SPTBN5: variants seen among roughly 807,000 people sequenced by gnomAD.
SPTBN5 encodes the protein spectrin beta, non-erythrocytic 5.
In SPTBN5, 513 loss-of-function variants were observed where a neutral mutation model predicts 477.6. The ratio of observed to expected loss-of-function variants is 1.07; its 90% CI spans 1.00 to 1.16. The LOEUF (loss-of-function observed/expected upper bound fraction) is 1.16. Among genes scored for constraint, SPTBN5 ranks in the 50% most tolerant of loss-of-function variants. SPTBN5 has a pLI of 0.00. For synonymous variants in SPTBN5, 2,169 were observed against 2,011.7 expected, an observed-to-expected ratio of 1.08 and a Z score of -2.09; for missense variants, 5,062 against 4,731.8, an observed-to-expected ratio of 1.07 and a Z score of -2.05.
At chr15:41,851,439 T>G (rs1306485736) in intron 63 of SPTBN5, 70 bp from the exon 64 acceptor site, 1 of 1,133,128 alleles carries the variant, frequency 8.8e-7, no homozygotes, top group African/African-American at 1.6e-5. Flanking sequence ...TGTCCACGCC[T>G]CACCATGTGT....
Position 41,876,551 on chromosome 15 carries a change from GAGCTGGAGGGA to G in SPTBN5, c.3937_3947del (p.Ser1313ProfsTer24), listed in dbSNP as rs1312392915. 1 of 1,593,890 alleles carries G rather than the reference GAGCTGGAGGGA, an allele frequency of 6.3e-7. No homozygotes were observed. Among genetic ancestry groups the G allele is most frequent in the Admixed American group, 1.8e-5 (1 of 57,092 alleles). Reference sequence around the variant, plus strand: ...CGACCTGGGCCCAGACCCTCACCTGGAGCTGGAGGGAAGCCAGCAACTGCCTCCTCCTCTGC... The same window carrying G: ...CGACCTGGGCCCAGACCCTCACCTGGAGCCAGCAACTGCCTCCTCCTCTGC... On this transcript the variant is annotated frameshift_variant, in exon 20 of 68. Coordinates refer to ENST00000320955, the MANE Select transcript of SPTBN5 (RefSeq NM_016642.4). LOFTEE classifies it high-confidence loss of function.
In SPTBN5 at chr15:41,852,000, G is replaced by T. The variant is rs576047057; in HGVS notation, c.10585-150C>A. ...TTAGCTTCTAAGATCAGATGAGATC[G>T]GGCATGTTCAGGGTGGTATGGCTGT... is the stretch of plus-strand genomic sequence containing the variant. On this transcript the variant is annotated intron_variant, in intron 62 of 67. Transcript: ENST00000320955. 7.5e-5 allele frequency: 68 copies of T among 910,276 alleles called. 1 individual carries two copies. In the African/African-American group the frequency reaches 8.1e-4, roughly 11 times the overall value. 56.4% of individuals were successfully genotyped at this position (910,276 alleles called of 1,614,324 possible). A position where few individuals can be genotyped will look rare whatever the true frequency, so the allele number is the denominator to read the frequency against.
rs757947761 is a variant in SPTBN5 at position 41,866,501 on chromosome 15, G to A, written c.6481-8C>T. 19 of 1,550,446 alleles carry A rather than the reference G, an allele frequency of 1.2e-5. No homozygotes were observed. The highest frequency in any genetic ancestry group is 2.0e-5 in the Admixed American group (1 of 50,164). ...CTGGATCCAGTCCTCAGCCTGGTGG[G>A]GGTGGGACATGAATGCTGCAATGTT... On this transcript the variant is annotated splice_region_variant and splice_polypyrimidine_tract_variant and intron_variant, in intron 36 of 67. Coordinates refer to ENST00000320955, the MANE Select transcript of SPTBN5 (RefSeq NM_016642.4).
At chr15:41,879,209 C>T in intron 16 of SPTBN5, 51 bp downstream of exon 16, 1 of 1,568,272 alleles carries the variant, frequency 6.4e-7, no homozygotes, top group Non-Finnish European at 8.7e-7. Flanking sequence ...CCTGCCCACG[C>T]CTTCCCATGG....
chr15:41,891,057 C>T (rs903216223), intron 3 of SPTBN5, among the ~76,000 whole-genome samples: 1 of 152,234 alleles, frequency 6.6e-6, no homozygotes, highest in Non-Finnish European at 1.5e-5. Flanking sequence ...GCCTTTAACT[C>T]TTCACTCAGA....
chr15:41,882,631 A>G lies in SPTBN5; in HGVS notation c.2000T>C (p.Leu667Pro). The G allele has an allele frequency of 6.2e-7, 1 of 1,607,540 alleles. No homozygotes were observed. Among genetic ancestry groups the G allele is most frequent in the Non-Finnish European group, 8.5e-7 (1 of 1,177,842 alleles). Reference protein sequence around the residue: ...ECGQRVGNAALGRDLSQIAGA... With the variant: ...ECGQRVGNAAPGRDLSQIAGA... ...TGCGATCTGGCTGAGATCCCGGCCC[A>G]GGGCCGCATTCCCCACCCGCTGTCC... Residue 667 changes from leucine to proline, a missense_variant, in exon 10 of 68, where the codon CTG becomes CCG. Physicochemically the swap from Leu to Pro is moderately conservative, Grantham distance 98. Transcript: ENST00000320955.
chr15:41,862,718 C>A, intron 42 of SPTBN5, 58 bp from the exon 43 acceptor site: 1 of 1,540,882 alleles, frequency 6.5e-7, no homozygotes, highest in Non-Finnish European at 8.7e-7. Context: ...CACCCAAGCC[C>A]CTCCTCCCCA....
Position 41,887,315 on chromosome 15 carries a change from G to A in SPTBN5, c.786C>T (p.Ala262=), listed in dbSNP as rs867338243. The A allele has an allele frequency of 5.8e-6, 9 of 1,551,186 alleles. No homozygotes were observed. The highest frequency in any genetic ancestry group is 4.9e-5 in the East Asian group (2 of 40,934). The change falls in exon 6 of 68, where the codon GCC becomes GCT. Residue 262 remains alanine, a synonymous_variant. Transcript: ENST00000320955. ...TGATAGAGCGCTCATCTGGCTGTGC[G>A]GCTGCCACGTCCTCGGGGTCCAGCA... ...AQLLDPEDVA[A]AQPDERSIMT... is the part of the protein sequence containing the mutation.
chr15:41,851,448 G>A (rs2065758740), intron 63 of SPTBN5, 79 bp from the exon 64 acceptor site: 1 of 1,046,122 alleles, frequency 9.6e-7, no homozygotes, highest in African/African-American at 1.6e-5. Flanking sequence ...CTCACCATGT[G>A]TGTGGAGCTT....
In SPTBN5 at chr15:41,868,396, A is replaced by C. The variant is rs567896650; in HGVS notation, c.6057+2T>G. The C allele has an allele frequency of 1.3e-6, 2 of 1,597,998 alleles. No homozygotes were observed. The highest frequency in any genetic ancestry group is 1.7e-6 in the Non-Finnish European group (2 of 1,170,898). On this transcript the variant is annotated splice_donor_variant, in intron 33 of 67. Coordinates refer to ENST00000320955, the MANE Select transcript of SPTBN5 (RefSeq NM_016642.4). LOFTEE classifies it high-confidence loss of function. ...GTGGGGGCACCAGGGGAGGGGGCCC[A>C]CCTCCTTGGTGGGTGTCCCTGCAGC...
chr15:41,881,332 G>T, intron 12 of SPTBN5, 98 bp from the exon 13 acceptor site: 1 of 981,704 alleles, frequency 1.0e-6, no homozygotes. Flanking sequence ...ACCTGGAGGC[G>T]CTGAGCTGTA....
chr15:41,875,765 T>A, intron 21 of SPTBN5, 143 bp from the exon 22 acceptor site: 1 of 892,340 alleles, frequency 1.1e-6, no homozygotes, highest in South Asian at 1.8e-5. Context: ...AAGCAGTTCA[T>A]GTGGCCCCAA....
chr15:41,890,263 C>A, intron 3 of SPTBN5, 58 bp from the exon 4 acceptor site: 2 of 1,267,480 alleles, frequency 1.6e-6, no homozygotes, highest in South Asian at 1.3e-5. Context: ...AGGACTCAGT[C>A]ACCAAAAGCT....
rs904303516 is a variant in SPTBN5, at chr15:41,853,434, C to T, written c.9994G>A (p.Glu3332Lys). The T allele has an allele frequency of 1.3e-6, 2 of 1,584,924 alleles. No individual in the cohort carries two copies. The highest frequency in any genetic ancestry group is 1.7e-6 in the Non-Finnish European group (2 of 1,160,766). ...RCQELLAWAQ[E>K]RQELASSEEL... The stretch of plus-strand genomic sequence containing the variant: ...TCGGAGGACGCCAGCTCCTGCCTCT[C>T]CTGTGCCCATGCTCTGTGGGGCAGG... The change falls in exon 59 of 68, where the codon GAG becomes AAG. Residue 3332 changes from glutamate (E) to lysine (K), a missense_variant. Glu to Lys is a moderately conservative substitution (Grantham distance 56, BLOSUM62 1). Transcript: ENST00000320955.
chr15:41,848,369 C>T lies in SPTBN5; in HGVS notation c.*247G>A, dbSNP rs1218700542. ...GTAGCCCTGGCCTTGCCCACCTGCT[C>T]TGCCGTAACACGTCTCCTCTTCACC... On this transcript the variant is annotated 3_prime_UTR_variant, in exon 68 of 68. Transcript: ENST00000320955. The T allele has an allele frequency of 1.7e-6, 1 of 587,734 alleles. No homozygotes were observed. Among genetic ancestry groups the T allele is most frequent in the South Asian group, 2.0e-5 (1 of 50,564 alleles). 36.4% of individuals were successfully genotyped at this position (587,734 alleles called of 1,614,324 possible). A position where few individuals can be genotyped will look rare whatever the true frequency, so the allele number is the denominator to read the frequency against.
At position 41,849,858 on chromosome 15, in the gene SPTBN5, A is replaced by C; in HGVS notation, c.11012+11T>G. The stretch of plus-strand genomic sequence containing the variant: ...GCTCCCCGCCCTGCTTCCCCCACCC[A>C]GGTGTCCCACCTGAGTAGACATCCA... On this transcript the variant is annotated intron_variant, in intron 67 of 67. Coordinates refer to ENST00000320955, the MANE Select transcript of SPTBN5 (RefSeq NM_016642.4). 2 of 1,561,274 alleles carry C rather than the reference A, an allele frequency of 1.3e-6. No homozygotes were observed. The highest frequency in any genetic ancestry group is 1.7e-6 in the Non-Finnish European group (2 of 1,152,192).
At chr15:41,879,941 G>C (rs1443615512) in intron 14 of SPTBN5, 77 bp from the exon 15 acceptor site, 3 of 1,572,558 alleles carry the variant, frequency 1.9e-6, no homozygotes, top group Non-Finnish European at 2.6e-6. Context: ...TGACGGACCT[G>C]AGTGGTGCTC....
intron 43 of SPTBN5, 51 bp downstream of exon 43, chr15:41,862,488 A>G: frequency 6.4e-7 from 1 of 1,566,090 alleles, no homozygotes. Context: ...AGGTGTGGGG[A>G]CTGAGATGCT....
At chr15:41,869,773 G>T (rs1324642466) in intron 32 of SPTBN5, 68 bp downstream of exon 32, 13 of 1,391,024 alleles carry the variant, frequency 9.3e-6, no homozygotes, top group Non-Finnish European at 1.1e-5. Context: ...CCTCATGCGT[G>T]CATGCCCATG....
Sources: allele counts gnomAD v4.1 joint callset (sites outside exome capture counted in the v4.1 genomes callset), GRCh38; gene constraint gnomAD v4.1.1; transcripts MANE v1.5; gene names NCBI Gene and HGNC (gene_info 2026-07-23, HGNC 2026-07-21).